The following VWA3B variants were observed in gnomAD, a reference collection of about 807,000 sequenced individuals.
The protein encoded by VWA3B is von Willebrand factor A domain-containing protein 3B.
A neutral mutation model predicts 158.3 loss-of-function variants in VWA3B; 138 were observed. That is an observed-to-expected ratio of 0.87 (90% CI 0.76 to 1.00). The LOEUF is 1.00. Ranked by LOEUF, VWA3B falls within the 50% of genes least tolerant of loss-of-function variation. The pLI is 0.00. For missense variants in VWA3B, 1,555 were observed against 1,565.1 expected, an observed-to-expected ratio of 0.99 and a Z score of 0.11; for synonymous variants, 596 against 587.3, an observed-to-expected ratio of 1.01 and a Z score of -0.21.
rs1683694255 is a variant in VWA3B, at chr2:98,213,247, A to C, written c.1836+1219A>C. Among the ~76,000 whole-genome samples the C allele has an allele frequency of 2.0e-5, 3 of 152,222 alleles. No homozygotes were observed. The South Asian group carries it at 6.2e-4, about 32-fold the overall frequency. ...GAAGAAGATCAGGGTGGAGGTGAAAAACGTTGGGTTGAGGAAGACTGTGGA... is the reference window on the plus strand; with the variant it reads ...GAAGAAGATCAGGGTGGAGGTGAAACACGTTGGGTTGAGGAAGACTGTGGA... On this transcript the variant is annotated intron_variant, in intron 13 of 27. Transcript: ENST00000477737.
At chr2:98,217,683 C>T (rs1684144353) in intron 13 of VWA3B, among the ~76,000 whole-genome samples, 163 bp from the exon 14 acceptor site, 1 of 152,176 alleles carries the variant, frequency 6.6e-6, no homozygotes, top group Admixed American at 6.5e-5. Context: ...GCAGTCTTTT[C>T]TTTATTTACT....
chr2:98,127,002 G>T (rs1036686350), intron 5 of VWA3B, among the ~76,000 whole-genome samples: 2 of 146,726 alleles, frequency 1.4e-5, no homozygotes, highest in African/African-American at 5.1e-5. Context: ...TGCATTTAAG[G>T]CCTCGGATAG....
Position 98,276,172 on chromosome 2 carries a change from C to T in VWA3B, c.3045+5289C>T, listed in dbSNP as rs139505875. 2.9e-3 allele frequency among the ~76,000 whole-genome samples: 440 copies of T among 152,288 alleles called. 1 individual carries two copies. Among genetic ancestry groups the T allele is most frequent in the African/African-American group, 9.7e-3 (402 of 41,564 alleles). ...ACTTCTCCTCAGAGATCTTTCCACT[C>T]GTGGCATGGCTCTCTGCAGTGGAAG... On this transcript the variant is annotated intron_variant, in intron 22 of 27. Transcript: ENST00000477737.
At chr2:98,195,122 C>T (rs576510722) in intron 12 of VWA3B, among the ~76,000 whole-genome samples, 1 of 152,200 alleles carries the variant, frequency 6.6e-6, no homozygotes, top group African/African-American at 2.4e-5. Context: ...TTGAGATATA[C>T]TACAATTGAG....
intron 13 of VWA3B, chr2:98,216,982 A>ACTC: frequency 2.4e-6 from 3 of 1,232,688 alleles, no homozygotes; most frequent in South Asian, 1.3e-5. Context: ...CATTGTAAGC[A>ACTC]CCCGCCCCGC....
chr2:98,270,831 T>A lies in VWA3B; in HGVS notation c.2993T>A (p.Met998Lys), dbSNP rs1249107054. 2 of 1,614,074 alleles carry A rather than the reference T, an allele frequency of 1.2e-6. No individual in the cohort carries two copies. The highest frequency in any genetic ancestry group is 2.2e-5 in the East Asian group (1 of 44,872). Residue 998 changes from methionine to lysine, a missense_variant, in exon 22 of 28, where the codon ATG becomes AAG. Coordinates refer to ENST00000477737, the MANE Select transcript of VWA3B (RefSeq NM_144992.5). ...LAGKMYIQQA[M>K]ELQEAAKKNY... is the part of the protein sequence containing the mutation. The stretch of plus-strand genomic sequence containing the variant: ...GGGAAAATGTACATCCAGCAGGCCA[T>A]GGAACTCCAGGAGGCTGCCAAGAAG...
intron 5 of VWA3B, 46 bp from the exon 6 acceptor site, chr2:98,128,193 C>T (rs1675534505): frequency 4.4e-6 from 7 of 1,605,410 alleles, no homozygotes; most frequent in Non-Finnish European, 6.0e-6. Flanking sequence ...TAGTACCAAG[C>T]TAGGGCATGT....
intron 14 of VWA3B, among the ~76,000 whole-genome samples, chr2:98,221,499 G>A (rs776050037): frequency 6.6e-6 from 1 of 152,160 alleles, no homozygotes; most frequent in African/African-American, 2.4e-5. Flanking sequence ...GCAAGTGACT[G>A]TGCTCTGATC....
At position 98,303,731 on chromosome 2, in the gene VWA3B, G is replaced by T; in HGVS notation, c.3450G>T (p.Lys1150Asn). The T allele has an allele frequency of 6.2e-7, 1 of 1,614,150 alleles. No homozygotes were observed. The highest frequency in any genetic ancestry group is 8.5e-7 in the Non-Finnish European group (1 of 1,180,028). The change falls in exon 26 of 28, where the codon AAG becomes AAT. Residue 1150 changes from lysine (K) to asparagine (N), a missense_variant. Coordinates refer to ENST00000477737, the MANE Select transcript of VWA3B (RefSeq NM_144992.5). The part of the protein sequence containing the change: ...REFCPRSALI[K>N]ISQNKYALSC... Reference sequence around the variant, plus strand: ...TTTGCCCTCGGAGTGCACTTATTAAGATCAGCCAAAACAAGTATGCGCTCT... The same window carrying T: ...TTTGCCCTCGGAGTGCACTTATTAATATCAGCCAAAACAAGTATGCGCTCT...
chr2:98,177,314 A>C (rs1196897430), intron 8 of VWA3B, among the ~76,000 whole-genome samples: 2 of 152,208 alleles, frequency 1.3e-5, no homozygotes, highest in Admixed American at 1.3e-4. Context: ...CATCTTTAGC[A>C]ATCTGTCCTG....
At chr2:98,256,904 ACTAT>A (rs879794949) in intron 21 of VWA3B, among the ~76,000 whole-genome samples, 3 of 152,164 alleles carry the variant, frequency 2.0e-5, no homozygotes, top group Non-Finnish European at 2.9e-5. Context: ...GGATGTTTAG[ACTAT>A]CTATCACCTC....
intron 2 of VWA3B, among the ~76,000 whole-genome samples, chr2:98,106,816 T>C (rs1013798891): frequency 3.3e-5 from 5 of 152,070 alleles, no homozygotes; most frequent in Non-Finnish European, 7.4e-5. Context: ...AGAGGAAAAG[T>C]CTTATTTCTT....
rs777861322 is a variant in VWA3B, at chr2:98,234,782, A to T, written c.2428+15A>T. ...AAGTGACAAAGGCAAGCCAGAAAGC[A>T]TCTCTGTGGCCAACCAGCCTCCCTT... On this transcript the variant is annotated intron_variant, in intron 17 of 27. Coordinates refer to ENST00000477737, the MANE Select transcript of VWA3B (RefSeq NM_144992.5). 3.7e-6 allele frequency: 6 copies of T among 1,614,104 alleles called. No individual in the cohort carries two copies. Among genetic ancestry groups the T allele is most frequent in the Non-Finnish European group, 4.2e-6 (5 of 1,179,984 alleles).
In VWA3B at chr2:98,206,286, T is replaced by A. The variant is rs917332839; in HGVS notation, c.1738-5644T>A. 16 of 158,362 alleles carry A rather than the reference T, an allele frequency of 1.0e-4. No individual in the cohort carries two copies. In the South Asian group the frequency reaches 3.0e-3, roughly 30 times the overall value. 9.8% of individuals were successfully genotyped at this position (158,362 alleles called of 1,614,324 possible). A position where few individuals can be genotyped will look rare whatever the true frequency, so the allele number is the denominator to read the frequency against. On this transcript the variant is annotated intron_variant, in intron 12 of 27. Coordinates refer to ENST00000477737, the MANE Select transcript of VWA3B (RefSeq NM_144992.5). Reference sequence around the variant, plus strand: ...CAGCAATCCAATCTACCAGGAAATATGGGCACAAACATCACCTTTGCTGAA... The same window carrying A: ...CAGCAATCCAATCTACCAGGAAATAAGGGCACAAACATCACCTTTGCTGAA...
At chr2:98,223,630 T>C (rs796595356) in intron 14 of VWA3B, among the ~76,000 whole-genome samples, 11 of 152,356 alleles carry the variant, frequency 7.2e-5, no homozygotes, top group African/African-American at 2.6e-4. Flanking sequence ...GCAGACTTCC[T>C]GTTCAAGACC....
the VWA3B span, among the ~76,000 whole-genome samples, chr2:98,319,923 CA>C: frequency 1.3e-5 from 2 of 150,904 alleles, no homozygotes; most frequent in African/African-American, 4.9e-5. Flanking sequence ...CACAACAAAA[CA>C]AAAAAACTAC....
intron 4 of VWA3B, among the ~76,000 whole-genome samples, chr2:98,120,847 T>C (rs1674902692): frequency 6.6e-6 from 1 of 152,190 alleles, no homozygotes; most frequent in African/African-American, 2.4e-5. Context: ...TATGGGAATC[T>C]TTCAGGACAA....
chr2:98,293,746 T>C (rs1689630392), intron 23 of VWA3B, among the ~76,000 whole-genome samples: 1 of 152,194 alleles, frequency 6.6e-6, no homozygotes, highest in Non-Finnish European at 1.5e-5. Flanking sequence ...AATCTCTTAA[T>C]ATAACCACAA....
chr2:98,093,328 C>G, intron 2 of VWA3B, 40 bp downstream of exon 2: 2 of 1,599,862 alleles, frequency 1.3e-6, no homozygotes, highest in Non-Finnish European at 1.7e-6. Context: ...GCCATTTAGC[C>G]TTTGAGGTGG....
Sources: gnomAD v4.1 joint callset for allele counts (sites outside exome capture counted in the v4.1 genomes callset) on GRCh38, gnomAD v4.1.1 for gene constraint, MANE v1.5 for transcripts, NCBI Gene and HGNC (gene_info 2026-07-23, HGNC 2026-07-21) for gene names.